Variants in TNRC6B observed in about 807,000 individuals in gnomAD.
TNRC6B encodes trinucleotide repeat containing adaptor 6B, also known as trinucleotide repeat-containing gene 6B protein.
Under a neutral mutation model 203.6 loss-of-function variants are expected in TNRC6B, and 52 were observed. The observed-to-expected ratio is 0.26, with a 90% CI of 0.20 to 0.32. The LOEUF (loss-of-function observed/expected upper bound fraction) is 0.32. Ranked by LOEUF, TNRC6B falls within the 10% of genes least tolerant of loss-of-function variation. The pLI, the probability that TNRC6B is intolerant of heterozygous loss-of-function variation, is 1.00. For synonymous variants in TNRC6B, 838 were observed against 845.7 expected (o/e 0.99, Z 0.16); for missense variants, 1,923 against 2,286.2 (o/e 0.84, Z 3.24).
At position 40,194,515 on chromosome 22, in the gene TNRC6B, T is replaced by C. The variant is rs1004047922; in HGVS notation, c.5+16375T>C. Among the ~76,000 whole-genome samples, 7 of 152,180 alleles carry C rather than the reference T, an allele frequency of 4.6e-5. No individual in the cohort carries two copies. The East Asian group carries it at 9.6e-4, about 21-fold the overall frequency. On this transcript the variant is annotated intron_variant, in intron 1 of 22. Coordinates refer to ENST00000454349, the MANE Select transcript of TNRC6B (RefSeq NM_001162501.2). ...GCCAGCTTTCCTTCCAGAAGAAATATTTGGCGTGGTGTGGAAGGGGGCTGT... is the reference window on the plus strand; with the variant it reads ...GCCAGCTTTCCTTCCAGAAGAAATACTTGGCGTGGTGTGGAAGGGGGCTGT...
At chr22:40,220,312 AC>A (rs1165270287) in intron 1 of TNRC6B, among the ~76,000 whole-genome samples, 1 of 152,140 alleles carries the variant, frequency 6.6e-6, no homozygotes, top group Non-Finnish European at 1.5e-5. Flanking sequence ...TCCCAGTGTG[AC>A]CAGGAGCTAG....
chr22:40,047,162 T>C (rs1308525833), intron 1 of TNRC6B, among the ~76,000 whole-genome samples: 1 of 152,124 alleles, frequency 6.6e-6, no homozygotes, highest in African/African-American at 2.4e-5. Flanking sequence ...ATAGGTTTAG[T>C]CTCAACGTCT....
At chr22:40,313,088 A>T (rs1041476681) in intron 19 of TNRC6B, 91 bp downstream of exon 19, 5 of 1,008,094 alleles carry the variant, frequency 5.0e-6, no homozygotes, top group Non-Finnish European at 7.6e-6. Context: ...TTCATAAGAT[A>T]TACTCTTACA....
intron 1 of TNRC6B, among the ~76,000 whole-genome samples, chr22:40,116,594 C>T (rs1425938711): frequency 1.3e-5 from 2 of 151,994 alleles, no homozygotes; most frequent in Non-Finnish European, 2.9e-5. Context: ...GCAAGAAGGA[C>T]AGCAGTGAAA....
chr22:40,211,116 T>A (rs943239851), intron 1 of TNRC6B, among the ~76,000 whole-genome samples: 1 of 19,242 alleles, frequency 5.2e-5, no homozygotes, highest in African/African-American at 2.1e-3. Context: ...CTTCTTCATC[T>A]TCTTCTTCTT....
chr22:40,080,198 C>T (rs2068053853), intron 1 of TNRC6B, among the ~76,000 whole-genome samples: 2 of 151,412 alleles, frequency 1.3e-5, no homozygotes, highest in African/African-American at 2.4e-5. Context: ...CCACCTCAGC[C>T]TCCCAAAGTG....
intron 12 of TNRC6B, among the ~76,000 whole-genome samples, chr22:40,300,172 A>T (rs2071003058): frequency 6.6e-6 from 1 of 151,600 alleles, no homozygotes; most frequent in Non-Finnish European, 1.5e-5. Flanking sequence ...ATTGTCATCA[A>T]TTTTTTTTTC....
intron 1 of TNRC6B, among the ~76,000 whole-genome samples, chr22:40,067,840 C>G (rs954161967): frequency 1.2e-4 from 18 of 152,296 alleles, no homozygotes; most frequent in Middle Eastern, 3.4e-3. Context: ...ACCTGTCAGT[C>G]TCCTCTGGAA....
chr22:40,244,930 A>C (rs1463684417), intron 1 of TNRC6B, among the ~76,000 whole-genome samples: 2 of 152,186 alleles, frequency 1.3e-5, no homozygotes, highest in East Asian at 1.9e-4. Context: ...AGAGTCTCTT[A>C]ATTTCTTCAG....
rs1349756825 is a variant in TNRC6B at position 40,273,445 on chromosome 22, G to A, written c.2986G>A (p.Gly996Ser). 6 of 1,609,552 alleles carry A rather than the reference G, an allele frequency of 3.7e-6. No homozygotes were observed. Among genetic ancestry groups the A allele is most frequent in the Admixed American group, 1.7e-5 (1 of 59,392 alleles). Residue 996 changes from glycine to serine, a missense_variant, in exon 7 of 23, where the codon GGC becomes AGC. Gly to Ser is a moderately conservative substitution (Grantham distance 56). Transcript: ENST00000454349. ...TAAAGATTCCAAATCTATGCAAGAC[G>A]GCTGGGGGGAGAGTGACGGGCCAGT... is the stretch of plus-strand genomic sequence containing the variant. ...MKPNSKSMQD[G>S]WGESDGPVTG...
chr22:40,261,044 C>A (rs1043198291), intron 3 of TNRC6B, among the ~76,000 whole-genome samples: 1 of 152,010 alleles, frequency 6.6e-6, no homozygotes, highest in Admixed American at 6.6e-5. Flanking sequence ...CTTTGGGAGG[C>A]CGAGGTGGGT....
At chr22:40,245,358 T>G (rs924973414) in intron 1 of TNRC6B, among the ~76,000 whole-genome samples, 4 of 152,178 alleles carry the variant, frequency 2.6e-5, no homozygotes, top group Non-Finnish European at 5.9e-5. Context: ...CCCAGAGTGC[T>G]GGGATTACAG....
At chr22:40,097,293 T>G (rs1400667336) in intron 1 of TNRC6B, among the ~76,000 whole-genome samples, 1 of 151,974 alleles carries the variant, frequency 6.6e-6, no homozygotes, top group Non-Finnish European at 1.5e-5. Flanking sequence ...TGTGTCCTTT[T>G]TTTTTGTTTT....
intron 4 of TNRC6B, among the ~76,000 whole-genome samples, chr22:40,263,016 G>A (rs2146495622): frequency 6.6e-6 from 1 of 151,068 alleles, no homozygotes; most frequent in East Asian, 1.9e-4. Context: ...CTCCAGCCTG[G>A]GTGACAGAGC....
chr22:40,170,947 A>G, intron 4 of TNRC6B, among the ~76,000 whole-genome samples: 1 of 146,808 alleles, frequency 6.8e-6, no homozygotes, highest in African/African-American at 2.5e-5. Flanking sequence ...ATGTACATAT[A>G]GGTGTATATA....
chr22:40,183,232 C>A (rs1056319930), intron 1 of TNRC6B, among the ~76,000 whole-genome samples: 28 of 152,150 alleles, frequency 1.8e-4, no homozygotes, highest in African/African-American at 6.8e-4. Context: ...GGCACCTAGT[C>A]TTGTTGCTTA....
intron 1 of TNRC6B, among the ~76,000 whole-genome samples, chr22:40,067,180 T>TCCA (rs1208902184): frequency 6.6e-6 from 1 of 152,184 alleles, no homozygotes; most frequent in Non-Finnish European, 1.5e-5. Flanking sequence ...AAGAAACTGA[T>TCCA]ATCACTCTGT....
intron 2 of TNRC6B, among the ~76,000 whole-genome samples, chr22:40,246,994 G>A (rs577193532): frequency 2.0e-5 from 3 of 152,138 alleles, no homozygotes; most frequent in Non-Finnish European, 2.9e-5. Flanking sequence ...TCAGGTGAGC[G>A]GTTTGTCCGG....
chr22:40,291,734 A>G (rs909777506), intron 12 of TNRC6B, among the ~76,000 whole-genome samples: 1 of 152,244 alleles, frequency 6.6e-6, no homozygotes, highest in African/African-American at 2.4e-5. Flanking sequence ...TGCTGCAGAG[A>G]AATCCTTATA....
Sources: gnomAD v4.1 joint callset for allele counts (sites outside exome capture counted in the v4.1 genomes callset) on GRCh38, gnomAD v4.1.1 for gene constraint, MANE v1.5 for transcripts, NCBI Gene and HGNC (gene_info 2026-07-23, HGNC 2026-07-21) for gene names.